The following TPR variants were observed in gnomAD, a reference collection of about 807,000 sequenced individuals.
The protein encoded by TPR is translocated promoter region, nuclear basket protein.
Under a neutral mutation model 316.1 loss-of-function variants are expected in TPR, and 51 were observed. The observed-to-expected ratio is 0.16, with a 90% CI of 0.13 to 0.20. The LOEUF (loss-of-function observed/expected upper bound fraction) is 0.20. Among genes scored for constraint, TPR ranks in the 10% least tolerant of loss-of-function variants. The pLI, the probability that TPR is intolerant of heterozygous loss-of-function variation, is 1.00. For synonymous variants in TPR, 981 were observed against 914.7 expected (o/e 1.07, Z -1.31); for missense variants, 2,272 against 2,754.8 (o/e 0.82, Z 3.92).
At chr1:186,318,385 G>A (rs1199668336) in intron 48 of TPR, 62 bp downstream of exon 48, 3 of 1,529,718 alleles carry the variant, frequency 2.0e-6, no homozygotes, top group Non-Finnish European at 2.6e-6. Context: ...TTGGCTAAAG[G>A]AAAACAAATG....
intron 39 of TPR, among the ~76,000 whole-genome samples, chr1:186,328,173 A>G (rs1658055414): frequency 6.6e-6 from 1 of 152,218 alleles, no homozygotes; most frequent in Admixed American, 6.5e-5. Context: ...TAGAAGAATT[A>G]TCATAAATCT....
intron 39 of TPR, among the ~76,000 whole-genome samples, chr1:186,329,499 A>G (rs1449504265): frequency 6.6e-6 from 1 of 152,156 alleles, no homozygotes; most frequent in Non-Finnish European, 1.5e-5. Context: ...CACAGCCTGA[A>G]GTTTATACAC....
chr1:186,326,001 A>T (rs1657920653), intron 41 of TPR, 103 bp downstream of exon 41: 5 of 1,564,682 alleles, frequency 3.2e-6, no homozygotes, highest in Non-Finnish European at 4.3e-6. Context: ...AAACAACCAA[A>T]GGTTTTAGTG....
rs1297225675 is a variant in TPR, at chr1:186,375,151, G to A, written c.-123C>T. The A allele has an allele frequency of 1.9e-6, 3 of 1,546,158 alleles. No homozygotes were observed. The highest frequency in any genetic ancestry group is 1.4e-5 in the African/African-American group (1 of 72,848). On this transcript the variant is annotated 5_prime_UTR_variant, in exon 1 of 51. Coordinates refer to ENST00000367478, the MANE Select transcript of TPR (RefSeq NM_003292.3). ...TCTATCACCTCGCTCGGTGGCTCGC[G>A]CGCGCCCGCCCGCCGGAGACTCCCG...
At chr1:186,320,264 TTACCAAA>T (rs1557984709) in intron 46 of TPR, 41 bp downstream of exon 46, 3 of 1,486,640 alleles carry the variant, frequency 2.0e-6, no homozygotes, top group Non-Finnish European at 2.7e-6. Context: ...TAATAGTTTA[TTACCAAA>T]TACATACAAA....
Position 186,317,662 on chromosome 1 carries a change from C to T in TPR, c.6822-62G>A. 4.1e-6 allele frequency: 6 copies of T among 1,446,638 alleles called. No individual in the cohort carries two copies. The South Asian group carries it at 5.9e-5, about 14-fold the overall frequency. 89.6% of individuals were successfully genotyped at this position (1,446,638 alleles called of 1,614,324 possible). A position where few individuals can be genotyped will look rare whatever the true frequency, so the allele number is the denominator to read the frequency against. On this transcript the variant is annotated intron_variant, in intron 48 of 50. Coordinates refer to ENST00000367478, the MANE Select transcript of TPR (RefSeq NM_003292.3). ...CCTACAGTCAATCATAAATTATATC[C>T]ACTCTTTTAAATCTATTTTATCACT... is the stretch of plus-strand genomic sequence containing the variant.
At position 186,360,480 on chromosome 1, in the gene TPR, T is replaced by A. The variant is rs577675254; in HGVS notation, c.1100-116A>T. ...CATTATATAGTAATTCCTATAAAAA[T>A]TTTAAATACATGACATCAAAAAGTC... On this transcript the variant is annotated intron_variant, in intron 10 of 50. Coordinates refer to ENST00000367478, the MANE Select transcript of TPR (RefSeq NM_003292.3). The A allele has an allele frequency of 4.5e-4, 501 of 1,116,744 alleles. 1 individual carries two copies. In the African/African-American group the frequency reaches 6.8e-3, roughly 15 times the overall value. The allele number at this position is 1,116,744 out of a possible 1,614,324, so 69.2% of individuals were successfully genotyped here.
At position 186,338,203 on chromosome 1, in the gene TPR, T is replaced by A. The variant is rs745982715; in HGVS notation, c.4192A>T (p.Ser1398Cys). 1 of 1,612,580 alleles carries A rather than the reference T, an allele frequency of 6.2e-7. No individual in the cohort carries two copies. Among genetic ancestry groups the A allele is most frequent in the Non-Finnish European group, 8.5e-7 (1 of 1,179,440 alleles). Reference sequence around the variant, plus strand: ...ACTTTATTTAGATCTTCCTTCAGACTCTGAATTAAGTTCTGGTTGTTAGTC... The same window carrying A: ...ACTTTATTTAGATCTTCCTTCAGACACTGAATTAAGTTCTGGTTGTTAGTC... ...SLTNNQNLIQ[S>C]LKEDLNKVRT... The change falls in exon 31 of 51, where the codon AGT becomes TGT. Residue 1398 changes from serine (S) to cysteine (C), a missense_variant. Ser to Cys is a moderately radical substitution (Grantham distance 112). Transcript: ENST00000367478.
Position 186,375,084 on chromosome 1 carries a change from A to C in TPR, c.-56T>G, listed in dbSNP as rs758120608. The C allele has an allele frequency of 6.2e-7, 1 of 1,609,380 alleles. No individual in the cohort carries two copies. The highest frequency in any genetic ancestry group is 1.1e-5 in the South Asian group (1 of 90,698). On this transcript the variant is annotated 5_prime_UTR_variant, in exon 1 of 51. Coordinates refer to ENST00000367478, the MANE Select transcript of TPR (RefSeq NM_003292.3). Reference sequence around the variant, plus strand: ...GGCCGACGGGGTAGAAGCGGAGAAGAAAGGCGAAGACCAGCAGGACCCAGA... The same window carrying C: ...GGCCGACGGGGTAGAAGCGGAGAAGCAAGGCGAAGACCAGCAGGACCCAGA...
intron 50 of TPR, 175 bp from the exon 51 acceptor site, chr1:186,314,201 A>G (rs550867631): frequency 1.8e-6 from 1 of 566,760 alleles, no homozygotes; most frequent in Non-Finnish European, 3.0e-6. Flanking sequence ...TTTTTGTGAC[A>G]CAAGTACAAT....
chr1:186,336,961 T>C, intron 32 of TPR, 52 bp downstream of exon 32: 2 of 1,606,866 alleles, frequency 1.2e-6, no homozygotes, highest in Admixed American at 3.3e-5. Context: ...CACATATTTC[T>C]TTAGGTGTAT....
chr1:186,342,340 T>A (rs1658535621), intron 27 of TPR: 1 of 152,304 alleles, frequency 6.6e-6, no homozygotes, highest in South Asian at 2.1e-4. Context: ...TAAGGTTGGT[T>A]TCCCCCTATG....
chr1:186,352,138 A>T (rs374633649), intron 18 of TPR, 28 bp from the exon 19 acceptor site: 133 of 1,568,352 alleles, frequency 8.5e-5, no homozygotes, highest in Non-Finnish European at 1.1e-4. Context: ...TGAAATAAAA[A>T]ATGCTGAAAA....
Position 186,312,285 on chromosome 1 carries a change from C to T in TPR, c.*1686G>A, listed in dbSNP as rs768509513. Reference sequence around the variant, plus strand: ...TGGAGAAACGACACAGGTTAGGAGACGTCGCTTTGAACGTGCTATAGGACC... The same window carrying T: ...TGGAGAAACGACACAGGTTAGGAGATGTCGCTTTGAACGTGCTATAGGACC... On this transcript the variant is annotated 3_prime_UTR_variant, in exon 51 of 51. Coordinates refer to ENST00000367478, the MANE Select transcript of TPR (RefSeq NM_003292.3). The T allele has an allele frequency of 8.1e-6, 13 of 1,613,608 alleles. No homozygotes were observed. The highest frequency in any genetic ancestry group is 2.2e-5 in the East Asian group (1 of 44,876).
At chr1:186,345,989 GAA>G (rs1431309953) in intron 23 of TPR, 144 bp downstream of exon 23, 1 of 843,658 alleles carries the variant, frequency 1.2e-6, no homozygotes, top group Non-Finnish European at 1.8e-6. Flanking sequence ...TAGAGGTACA[GAA>G]AAGAGTAAAA....
At chr1:186,320,440 T>A (rs577622154) in intron 45 of TPR, 22 bp from the exon 46 acceptor site, 4 of 1,582,784 alleles carry the variant, frequency 2.5e-6, no homozygotes, top group Admixed American at 3.5e-5. Flanking sequence ...AAAACTAATT[T>A]AAGATGAAAT....
intron 39 of TPR, among the ~76,000 whole-genome samples, chr1:186,330,329 T>G (rs917170390): frequency 1.2e-4 from 19 of 152,054 alleles, no homozygotes; most frequent in African/African-American, 4.1e-4. Context: ...TGATTTACAA[T>G]CCAGACCACT....
chr1:186,331,427 T>A, intron 39 of TPR, 71 bp downstream of exon 39: 1 of 1,063,154 alleles, frequency 9.4e-7, no homozygotes, highest in Non-Finnish European at 1.4e-6. Flanking sequence ...CCAAATAATG[T>A]TTCAATTTGT....
At chr1:186,328,362 C>T (rs1658061386) in intron 39 of TPR, among the ~76,000 whole-genome samples, 1 of 152,038 alleles carries the variant, frequency 6.6e-6, no homozygotes, top group South Asian at 2.1e-4. Context: ...ACCAATATAT[C>T]CAAAATATTA....
Sources: allele counts gnomAD v4.1 joint callset (sites outside exome capture counted in the v4.1 genomes callset), GRCh38; gene constraint gnomAD v4.1.1; transcripts MANE v1.5; gene names NCBI Gene and HGNC (gene_info 2026-07-23, HGNC 2026-07-21).